The following CUX2 variants were observed in gnomAD, a reference collection of about 807,000 sequenced individuals.
CUX2 encodes the protein cut like homeobox 2.
CUX2 carries 40 observed loss-of-function variants against 144.8 expected under a neutral mutation model. That is an observed-to-expected ratio of 0.28 (90% confidence interval 0.21 to 0.36). The LOEUF is 0.36. Among genes scored for constraint, CUX2 ranks in the 10% least tolerant of loss-of-function variants. CUX2 has a pLI of 1.00. For synonymous variants in CUX2, 827 were observed against 875.6 expected, an observed-to-expected ratio of 0.94 and a Z score of 0.98; for missense variants, 1,615 against 1,994.0, an observed-to-expected ratio of 0.81 and a Z score of 3.62.
At chr12:111,302,899 TAAA>T (rs35454022) in intron 9 of CUX2, among the ~76,000 whole-genome samples, 12,478 of 109,358 alleles carry the variant, frequency 0.11, 1,136 homozygotes, top group African/African-American at 0.26. Context: ...GACTCTGTCT[TAAA>T]AAAAAAAAAA....
chr12:111,265,110 A>G (rs976492114), intron 4 of CUX2, among the ~76,000 whole-genome samples: 5 of 152,048 alleles, frequency 3.3e-5, no homozygotes, highest in African/African-American at 1.2e-4. Flanking sequence ...AAAAAAGTCA[A>G]CCTGTACTAT....
At position 111,320,646 on chromosome 12, in the gene CUX2, C is replaced by T. The variant is rs371020289; in HGVS notation, c.2637C>T (p.Thr879=). 1.9e-5 allele frequency: 30 copies of T among 1,595,992 alleles called. No homozygotes were observed. In the African/African-American group the frequency reaches 2.5e-4, roughly 14 times the overall value. Reference sequence around the variant, plus strand: ...ACGTGCCGCGCACCCTGAAGCCCACCGTGCCGCCGCTGACCCCCGAGCAGT... The same window carrying T: ...ACGTGCCGCGCACCCTGAAGCCCACTGTGCCGCCGCTGACCCCCGAGCAGT... ...PAYVPRTLKP[T]VPPLTPEQYE... The change falls in exon 17 of 22, where the codon ACC becomes ACT. Residue 879 remains threonine, a synonymous_variant. Transcript: ENST00000261726. This position sits in a 1 kb window ranked among gnomAD's most constrained non-coding sequence, Gnocchi z 8.1.
At chr12:111,319,891 T>C (rs1050692114) in intron 16 of CUX2, 121 bp from the exon 17 acceptor site, 3 of 1,349,204 alleles carry the variant, frequency 2.2e-6, no homozygotes, top group Non-Finnish European at 2.9e-6. Context: ...CAATCCCCAG[T>C]TGCTGGACAC....
At chr12:111,072,085 T>C (rs1160240889) in intron 1 of CUX2, among the ~76,000 whole-genome samples, 2 of 152,232 alleles carry the variant, frequency 1.3e-5, no homozygotes, top group Non-Finnish European at 2.9e-5. Context: ...CATATTATGT[T>C]GGCTATTCTG....
At chr12:111,092,805 ATTTTTTTTTTTT>A (rs528129107) in intron 1 of CUX2, among the ~76,000 whole-genome samples, 3,566 of 106,072 alleles carry the variant, frequency 0.034, 165 homozygotes, top group African/African-American at 0.12. Context: ...GCTCTGGCAG[ATTTTTTTTTTTT>A]TTTTTTTTTT....
Position 111,334,186 on chromosome 12 carries a change from TA to T in CUX2, c.2927-239del, listed in dbSNP as rs11383956. ...TAGGCAACAGAGCGAGACTCCGTCT[TA>T]AAAAAAAAAAAAAAATTGCTAAGCA... On this transcript the variant is annotated intron_variant, in intron 18 of 21. Coordinates refer to ENST00000261726, the MANE Select transcript of CUX2 (RefSeq NM_015267.4). 2.8e-3 allele frequency among the ~76,000 whole-genome samples: 395 copies of T among 143,206 alleles called. 1 individual carries two copies. The highest frequency in any genetic ancestry group is 3.5e-3 in the Middle Eastern group (1 of 282). 93.9% of individuals were successfully genotyped at this position (143,206 alleles called of 152,430 possible). A position where few individuals can be genotyped will look rare whatever the true frequency, so the allele number is the denominator to read the frequency against.
intron 3 of CUX2, among the ~76,000 whole-genome samples, chr12:111,253,950 G>A (rs1001853047): frequency 5.9e-5 from 9 of 151,764 alleles, no homozygotes; most frequent in Non-Finnish European, 1.0e-4. Context: ...GGCTGGTCTC[G>A]AACTCCTGAC....
At chr12:111,179,514 T>C (rs1363779658) in intron 1 of CUX2, among the ~76,000 whole-genome samples, 9 of 152,232 alleles carry the variant, frequency 5.9e-5, no homozygotes, top group Middle Eastern at 3.4e-3. Context: ...TCCTACTTCA[T>C]GGTGGTGTTG....
intron 3 of CUX2, among the ~76,000 whole-genome samples, chr12:111,220,930 G>C (rs1358464042): frequency 7.8e-6 from 1 of 127,710 alleles, no homozygotes; most frequent in Non-Finnish European, 1.6e-5. Flanking sequence ...AGCGAGACCT[G>C]GTCTCTTAAA....
chr12:111,329,347 G>C (rs979018399), intron 18 of CUX2, among the ~76,000 whole-genome samples: 1 of 151,714 alleles, frequency 6.6e-6, no homozygotes, highest in African/African-American at 2.4e-5. Context: ...AAATAACCCA[G>C]TTGTTCACAT....
intron 3 of CUX2, among the ~76,000 whole-genome samples, chr12:111,231,834 G>A (rs1019860116): frequency 8.5e-5 from 13 of 152,180 alleles, no homozygotes; most frequent in South Asian, 2.1e-4. Context: ...GGGGCCAGGT[G>A]CAGTGGCTCA....
intron 3 of CUX2, among the ~76,000 whole-genome samples, chr12:111,232,630 T>G (rs1882534193): frequency 6.6e-6 from 1 of 152,230 alleles, no homozygotes; most frequent in Middle Eastern, 3.2e-3. Context: ...TGTCCTGAAA[T>G]CAATTCCCCA....
intron 1 of CUX2, among the ~76,000 whole-genome samples, chr12:111,175,461 G>T (rs1425661587): frequency 2.0e-5 from 3 of 151,296 alleles, no homozygotes; most frequent in Non-Finnish European, 4.4e-5. Context: ...TAAATTTGGG[G>T]CTTTCTGATT....
intron 1 of CUX2, among the ~76,000 whole-genome samples, chr12:111,080,856 A>G (rs1477164446): frequency 6.6e-6 from 1 of 152,172 alleles, no homozygotes; most frequent in Non-Finnish European, 1.5e-5. Flanking sequence ...GCACTCAACA[A>G]ATATAAGTTA....
intron 1 of CUX2, among the ~76,000 whole-genome samples, chr12:111,199,740 GTC>G (rs1363647768): frequency 2.6e-5 from 4 of 152,118 alleles, no homozygotes; most frequent in African/African-American, 9.7e-5. Flanking sequence ...TGTGGTATGT[GTC>G]TCTGTGTCCC....
In CUX2 at chr12:111,312,023, GC is replaced by G; in HGVS notation, c.1901-71del. 7.8e-7 allele frequency: 1 copy of G among 1,282,746 alleles called. No homozygotes were observed. Among genetic ancestry groups the G allele is most frequent in the Non-Finnish European group, 1.1e-6 (1 of 913,788 alleles). 79.5% of individuals were successfully genotyped at this position (1,282,746 alleles called of 1,614,324 possible). On this transcript the variant is annotated intron_variant, in intron 15 of 21. Transcript: ENST00000261726. This position sits in a 1 kb window ranked among gnomAD's most constrained non-coding sequence, Gnocchi z 4.3. ...CTCACTCTTCTGGGAGGAGGAGACA[GC>G]CCCCCTACCCCACCAGGCTCCGGAG...
In CUX2 at chr12:111,061,608, T is replaced by C. The variant is rs1870776708; in HGVS notation, c.63+27368T>C. Among the ~76,000 whole-genome samples the C allele has an allele frequency of 6.6e-6, 1 of 152,206 alleles. No individual in the cohort carries two copies. The highest frequency in any genetic ancestry group is 6.5e-5 in the Admixed American group (1 of 15,286). On this transcript the variant is annotated intron_variant, in intron 1 of 21. Coordinates refer to ENST00000261726, the MANE Select transcript of CUX2 (RefSeq NM_015267.4). This position sits in a 1 kb window ranked among gnomAD's most constrained non-coding sequence, Gnocchi z 4.2. ...TTGCCCGCCTAAGTACATCCAACTC[T>C]ACATCACGGTCTTTCCACTTATACC...
At chr12:111,199,699 ATGTG>A (rs1038075091) in intron 1 of CUX2, among the ~76,000 whole-genome samples, 5 of 151,868 alleles carry the variant, frequency 3.3e-5, no homozygotes, top group Admixed American at 3.3e-4. Context: ...GCATCTGTGT[ATGTG>A]TGTGTCTCCA....
intron 18 of CUX2, among the ~76,000 whole-genome samples, chr12:111,333,333 A>G (rs1309981767): frequency 2.0e-5 from 3 of 152,136 alleles, no homozygotes; most frequent in Non-Finnish European, 4.4e-5. Context: ...GCAGTGAGTT[A>G]TCACCAAGCC....
Sources: gnomAD v4.1 joint callset for allele counts (sites outside exome capture counted in the v4.1 genomes callset) on GRCh38, gnomAD v4.1.1 for gene constraint, Gnocchi (gnomAD v3.1) non-coding constraint, MANE v1.5 for transcripts, NCBI Gene and HGNC (gene_info 2026-07-23, HGNC 2026-07-21) for gene names.